The following WNT16 variants were observed in gnomAD, a reference collection of about 807,000 sequenced individuals.
The protein encoded by WNT16 is Wnt family member 16.
WNT16 carries 20 observed loss-of-function variants against 35.4 expected under a neutral mutation model. The observed-to-expected ratio is 0.56, with a 90% confidence interval of 0.40 to 0.82. The LOEUF is 0.82. WNT16 is among the 40% of genes least tolerant of loss of function. The probability of loss-of-function intolerance (pLI) is 0.00; values close to 1 mark genes in which losing one functional copy is unlikely to be tolerated. For missense variants in WNT16, 461 were observed against 466.0 expected (o/e 0.99, Z 0.10); for synonymous variants, 180 against 179.2 (o/e 1.00, Z -0.03).
intron 3 of WNT16, among the ~76,000 whole-genome samples, chr7:121,334,522 T>C (rs1175194665): frequency 6.6e-6 from 1 of 152,132 alleles, no homozygotes; most frequent in Non-Finnish European, 1.5e-5. Flanking sequence ...AATAGGCATA[T>C]TCTTCTGAAT....
At chr7:121,333,526 G>A (rs946630492) in intron 3 of WNT16, among the ~76,000 whole-genome samples, 3 of 151,802 alleles carry the variant, frequency 2.0e-5, no homozygotes, top group Non-Finnish European at 3.0e-5. Context: ...CCATAGTCAT[G>A]CACATGCCTC....
Position 121,331,877 on chromosome 7 carries a change from C to T in WNT16, c.546C>T (p.Phe182=). The T allele has an allele frequency of 6.2e-7, 1 of 1,614,078 alleles. No homozygotes were observed. Among genetic ancestry groups the T allele is most frequent in the Non-Finnish European group, 8.5e-7 (1 of 1,180,022 alleles). Residue 182 remains phenylalanine (F), a synonymous_variant, in exon 3 of 4, where the codon TTC becomes TTT. Transcript: ENST00000222462. ...VQYGMWFSRK[F]LDFPIGNTTG... ...ATGGCATGTGGTTCAGCAGAAAGTT[C>T]CTAGATTTCCCCATCGGAAACACCA...
chr7:121,331,600 T>G (rs894259406), intron 2 of WNT16, 78 bp from the exon 3 acceptor site: 97 of 1,370,164 alleles, frequency 7.1e-5, no homozygotes, highest in Non-Finnish European at 9.3e-5. Flanking sequence ...TCCAGTAAGA[T>G]CATGAGTAGG....
chr7:121,326,840 A>G (rs1015138186), upstream of WNT16, among the ~76,000 whole-genome samples: 2 of 152,110 alleles, frequency 1.3e-5, no homozygotes, highest in African/African-American at 4.8e-5. Context: ...GTTGGCCCTA[A>G]AATCAGCCTA....
At chr7:121,326,071 G>T (rs1016284425), upstream of WNT16, among the ~76,000 whole-genome samples, 2 of 142,022 alleles carry the variant, frequency 1.4e-5, no homozygotes, top group Non-Finnish European at 1.5e-5. Context: ...AAAAAGGAGG[G>T]GCCTCTAAAG....
chr7:121,340,083 C>T lies in WNT16; in HGVS notation c.*738C>T, dbSNP rs1793509542. 1 of 152,148 alleles carries T rather than the reference C, an allele frequency of 6.6e-6. No homozygotes were observed. The highest frequency in any genetic ancestry group is 1.5e-5 in the Non-Finnish European group (1 of 68,008). The allele number at this position is 152,148 out of a possible 1,614,324, so 9.4% of individuals were successfully genotyped here. A position where few individuals can be genotyped will look rare whatever the true frequency, so the allele number is the denominator to read the frequency against. On this transcript the variant is annotated 3_prime_UTR_variant, in exon 4 of 4. Transcript: ENST00000222462. ...AAACCTCCATAAGGTATATAGCAAT[C>T]TTTGATCTTTAGATTCATACTTTTA...
chr7:121,339,067 C>G lies in WNT16; in HGVS notation c.820C>G (p.Gln274Glu). ...GAAAATGCGCAGGAGAGAAAAAGAT[C>G]AGAGGAAAATACCAATCCATAAGGA... ...KRKMRRREKD[Q>E]RKIPIHKDDL... Residue 274 changes from glutamine (Q) to glutamate (E), a missense_variant, in exon 4 of 4, where the codon CAG (glutamine) becomes GAG (glutamate). Transcript: ENST00000222462. 6.2e-7 allele frequency: 1 copy of G among 1,614,108 alleles called. No homozygotes were observed. Among genetic ancestry groups the G allele is most frequent in the Non-Finnish European group, 8.5e-7 (1 of 1,180,010 alleles).
intron 2 of WNT16, among the ~76,000 whole-genome samples, chr7:121,330,634 C>T (rs900001864): frequency 2.0e-5 from 3 of 151,404 alleles, no homozygotes; most frequent in Non-Finnish European, 4.4e-5. Context: ...TCCCTGCGCG[C>T]ACCCCCGCCG....
At position 121,339,471 on chromosome 7, in the gene WNT16, C is replaced by CCTAT; in HGVS notation, c.*128_*129insATCT. The CCTAT allele has an allele frequency of 1.2e-6, 1 of 804,962 alleles. No individual in the cohort carries two copies. The highest frequency in any genetic ancestry group is 1.9e-6 in the Non-Finnish European group (1 of 523,068). The allele number at this position is 804,962 out of a possible 1,614,324, so 49.9% of individuals were successfully genotyped here. On this transcript the variant is annotated 3_prime_UTR_variant, in exon 4 of 4. Transcript: ENST00000222462. ...GCAGTGGAATCCCTAGAACCTTGGACCTGAGAGTTTCCCTTACCTGATCGA... is the reference window on the plus strand; with the variant it reads ...GCAGTGGAATCCCTAGAACCTTGGACCTATCTGAGAGTTTCCCTTACCTGATCGA...
At chr7:121,337,295 T>C (rs1793459249) in intron 3 of WNT16, among the ~76,000 whole-genome samples, 2 of 152,214 alleles carry the variant, frequency 1.3e-5, no homozygotes, top group Non-Finnish European at 2.9e-5. Context: ...CATATGCTCT[T>C]ATTTAAGGTT....
intron 2 of WNT16, among the ~76,000 whole-genome samples, chr7:121,331,136 C>G (rs1041425201): frequency 6.6e-6 from 1 of 152,138 alleles, no homozygotes; most frequent in Non-Finnish European, 1.5e-5. Flanking sequence ...TGAAAATATA[C>G]GGTACCGTTT....
Position 121,329,125 on chromosome 7 carries a change from G to C in WNT16, c.-168G>C. Reference sequence around the variant, plus strand: ...CTCCTACAGCTCCCTGCAAACGAGGGGGAAGCTGCTGAGAGTCCCTATCAC... The same window carrying C: ...CTCCTACAGCTCCCTGCAAACGAGGCGGAAGCTGCTGAGAGTCCCTATCAC... On this transcript the variant is annotated 5_prime_UTR_variant, in exon 1 of 4. Coordinates refer to ENST00000222462, the MANE Select transcript of WNT16 (RefSeq NM_057168.2). 7.3e-7 allele frequency: 1 copy of C among 1,378,336 alleles called. No individual in the cohort carries two copies. Among genetic ancestry groups the C allele is most frequent in the African/African-American group, 1.4e-5 (1 of 69,148 alleles). The allele number at this position is 1,378,336 out of a possible 1,614,324, so 85.4% of individuals were successfully genotyped here. A position where few individuals can be genotyped will look rare whatever the true frequency, so the allele number is the denominator to read the frequency against.
At chr7:121,326,794 T>TA (rs764882663), upstream of WNT16, among the ~76,000 whole-genome samples, 1 of 152,164 alleles carries the variant, frequency 6.6e-6, no homozygotes, top group Non-Finnish European at 1.5e-5. Flanking sequence ...TTTGATTTTT[T>TA]AAAAAATCAA....
rs757088066 is a variant in WNT16 at position 121,339,197 on chromosome 7, C to T, written c.950C>T (p.Ala317Val). The change falls in exon 4 of 4, where the codon GCA (alanine) becomes GTA (valine). Residue 317 changes from alanine (A) to valine (V), a missense_variant. By Grantham distance (64) the Ala-to-Val change is moderately conservative. Coordinates refer to ENST00000222462, the MANE Select transcript of WNT16 (RefSeq NM_057168.2). Reference sequence around the variant, plus strand: ...GAATGCAACCGTACATCAGAGGGTGCAGATGGCTGCAACCTCCTCTGCTGT... The same window carrying T: ...GAATGCAACCGTACATCAGAGGGTGTAGATGGCTGCAACCTCCTCTGCTGT... ...GRECNRTSEG[A>V]DGCNLLCCGR... 1 of 1,614,178 alleles carries T rather than the reference C, an allele frequency of 6.2e-7. No individual in the cohort carries two copies. Among genetic ancestry groups the T allele is most frequent in the South Asian group, 1.1e-5 (1 of 91,088 alleles).
In WNT16 at chr7:121,339,238, A is replaced by G. The variant is rs1793490818; in HGVS notation, c.991A>G (p.Thr331Ala). 6.2e-7 allele frequency: 1 copy of G among 1,614,148 alleles called. No individual in the cohort carries two copies. The highest frequency in any genetic ancestry group is 1.1e-5 in the South Asian group (1 of 91,088). The change falls in exon 4 of 4, where the codon ACC becomes GCC. Residue 331 changes from threonine (T) to alanine (A), a missense_variant. Thr to Ala is a moderately conservative substitution (Grantham distance 58). Transcript: ENST00000222462. The part of the protein sequence containing the change: ...NLLCCGRGYN[T>A]HVVRHVERCE... ...CCTCTGCTGTGGCCGAGGTTACAACACCCATGTGGTCAGGCACGTGGAGAG... is the reference window on the plus strand; with the variant it reads ...CCTCTGCTGTGGCCGAGGTTACAACGCCCATGTGGTCAGGCACGTGGAGAG...
chr7:121,329,690 C>G lies in WNT16; in HGVS notation c.219C>G (p.Gly73=), dbSNP rs774484592. Residue 73 remains glycine, a synonymous_variant, in exon 2 of 4, where the codon GGC becomes GGG. Coordinates refer to ENST00000222462, the MANE Select transcript of WNT16 (RefSeq NM_057168.2). ...KPYLLPSIRE[G]ARLGIQECGS... is the part of the protein sequence containing the mutation. The stretch of plus-strand genomic sequence containing the variant: ...ACCTGCTGCCGAGCATCCGAGAGGG[C>G]GCCCGGCTGGGCATTCAGGAGTGCG... 1.2e-6 allele frequency: 2 copies of G among 1,613,638 alleles called. No individual in the cohort carries two copies. Among genetic ancestry groups the G allele is most frequent in the Non-Finnish European group, 8.5e-7 (1 of 1,179,890 alleles).
In WNT16 at chr7:121,331,707, G is replaced by C. The variant is rs781433330; in HGVS notation, c.376G>C (p.Val126Leu). The C allele has an allele frequency of 6.2e-7, 1 of 1,612,750 alleles. No individual in the cohort carries two copies. Among genetic ancestry groups the C allele is most frequent in the Admixed American group, 1.7e-5 (1 of 60,008 alleles). ...CAAAGAGACAGCATTTATTTATGCT[G>C]TGATGGCTGCAGGCCTGGTGCATTC... ...GTKETAFIYA[V>L]MAAGLVHSVT... The change falls in exon 3 of 4, where the codon GTG (valine) becomes CTG (leucine). Residue 126 changes from valine (V) to leucine (L), a missense_variant. Transcript: ENST00000222462.
upstream of WNT16, among the ~76,000 whole-genome samples, chr7:121,326,428 C>T (rs1032384412): frequency 6.6e-5 from 10 of 152,184 alleles, no homozygotes; most frequent in African/African-American, 4.8e-5. Flanking sequence ...AGACCACTCA[C>T]GCCCTAAAAT....
At position 121,329,547 on chromosome 7, in the gene WNT16, C is replaced by G. The variant is rs1371689115; in HGVS notation, c.96-20C>G. 1 of 1,611,790 alleles carries G rather than the reference C, an allele frequency of 6.2e-7. No individual in the cohort carries two copies. Among genetic ancestry groups the G allele is most frequent in the South Asian group, 1.1e-5 (1 of 91,018 alleles). On this transcript the variant is annotated intron_variant, in intron 1 of 3. Coordinates refer to ENST00000222462, the MANE Select transcript of WNT16 (RefSeq NM_057168.2). ...GGAATTGGGGAGCGGCTTAACGCTACGGGCGGCCGTGTCTTACAGGTGGTT... is the reference window on the plus strand; with the variant it reads ...GGAATTGGGGAGCGGCTTAACGCTAGGGGCGGCCGTGTCTTACAGGTGGTT...
Sources: gnomAD v4.1 joint callset for allele counts (sites outside exome capture counted in the v4.1 genomes callset) on GRCh38, gnomAD v4.1.1 for gene constraint, MANE v1.5 for transcripts, NCBI Gene and HGNC (gene_info 2026-07-23, HGNC 2026-07-21) for gene names.